OSBPL10: variants seen among roughly 807,000 people sequenced by gnomAD.
OSBPL10 encodes the protein oxysterol-binding protein-related protein 10.
In OSBPL10, 49 loss-of-function variants were observed where a neutral mutation model predicts 81.7. That is an observed-to-expected ratio of 0.60 (90% confidence interval 0.48 to 0.76). The LOEUF is 0.76. Ranked by LOEUF, OSBPL10 falls within the 30% of genes least tolerant of loss-of-function variation. The pLI is 0.00. For missense variants in OSBPL10, 923 were observed against 987.8 expected, an observed-to-expected ratio of 0.93 and a Z score of 0.88; for synonymous variants, 419 against 383.6, an observed-to-expected ratio of 1.09 and a Z score of -1.08.
intron 2 of OSBPL10, among the ~76,000 whole-genome samples, chr3:31,992,722 G>A (rs1296191603): frequency 2.6e-5 from 4 of 152,174 alleles, no homozygotes; most frequent in African/African-American, 9.7e-5. Context: ...GGCCAGGCAT[G>A]GTGACTCATG....
chr3:31,712,642 G>A (rs1423689328), intron 6 of OSBPL10, among the ~76,000 whole-genome samples: 2 of 152,174 alleles, frequency 1.3e-5, no homozygotes, highest in Non-Finnish European at 2.9e-5. Flanking sequence ...AAGCAATGCA[G>A]CCCTGCCAAC....
chr3:31,701,731 C>CT (rs1695902574), intron 7 of OSBPL10: 1 of 152,160 alleles, frequency 6.6e-6, no homozygotes, highest in Non-Finnish European at 1.5e-5. Context: ...ATGTGGGACC[C>CT]TCTCCATGAC....
intron 1 of OSBPL10, among the ~76,000 whole-genome samples, chr3:31,969,981 T>A (rs1199289095): frequency 6.6e-6 from 1 of 152,022 alleles, no homozygotes; most frequent in Non-Finnish European, 1.5e-5. Flanking sequence ...AATTAGCTGG[T>A]CCTAGTTTAC....
chr3:31,729,566 G>T (rs1024272020), intron 6 of OSBPL10, among the ~76,000 whole-genome samples: 1 of 152,058 alleles, frequency 6.6e-6, no homozygotes, highest in African/African-American at 2.4e-5. Flanking sequence ...GATTACAGGC[G>T]CACGCCACCA....
intron 7 of OSBPL10, among the ~76,000 whole-genome samples, chr3:31,684,402 C>T: frequency 6.6e-6 from 1 of 152,230 alleles, no homozygotes; most frequent in East Asian, 1.9e-4. Context: ...GTCTCCACTG[C>T]CATTTCTCCC....
upstream of OSBPL10, among the ~76,000 whole-genome samples, chr3:31,985,989 T>C (rs77797670): frequency 0.028 from 4,340 of 152,326 alleles, 111 homozygotes; most frequent in African/African-American, 0.074. Flanking sequence ...ATTTGGCTAC[T>C]GAGCGTGAGT....
intron 1 of OSBPL10, among the ~76,000 whole-genome samples, chr3:31,899,605 G>A (rs1696172709): frequency 6.6e-6 from 1 of 152,172 alleles, no homozygotes; most frequent in Non-Finnish European, 1.5e-5. Flanking sequence ...CGAGGTGAGA[G>A]AACCACTGGA....
intron 2 of OSBPL10, among the ~76,000 whole-genome samples, chr3:31,999,931 A>G (rs761506829): frequency 3.3e-5 from 5 of 152,154 alleles, no homozygotes; most frequent in Non-Finnish European, 7.3e-5. Context: ...TCAGGGCCAA[A>G]ATGTTCATAA....
At chr3:31,894,794 TTC>T (rs1487489629) in intron 1 of OSBPL10, among the ~76,000 whole-genome samples, 2 of 152,224 alleles carry the variant, frequency 1.3e-5, no homozygotes, top group South Asian at 2.1e-4. Flanking sequence ...CCTATTTCCC[TTC>T]TCTCTCAAGA....
rs140354934 is a variant in OSBPL10, at chr3:31,901,000, A to C, written c.282-21170T>G. ...TGGGAAAATGCTGTGAGAACACTCT[A>C]TCTCTGCAACTCTACTGTAAATCTA... is the stretch of plus-strand genomic sequence containing the variant. On this transcript the variant is annotated intron_variant, in intron 1 of 11. Coordinates refer to ENST00000396556, the MANE Select transcript of OSBPL10 (RefSeq NM_017784.5). 1.3e-3 allele frequency among the ~76,000 whole-genome samples: 200 copies of C among 152,374 alleles called. 5 individuals are homozygous for C. In the East Asian group the frequency reaches 0.034, roughly 26 times the overall value.
chr3:31,731,277 C>T (rs1292720245), intron 6 of OSBPL10, among the ~76,000 whole-genome samples: 1 of 152,016 alleles, frequency 6.6e-6, no homozygotes, highest in African/African-American at 2.4e-5. Context: ...AGAAAACCAC[C>T]AAAACACCAA....
intron 4 of OSBPL10, among the ~76,000 whole-genome samples, chr3:31,800,856 C>G (rs1053433874): frequency 1.3e-5 from 2 of 152,170 alleles, no homozygotes; most frequent in African/African-American, 4.8e-5. Flanking sequence ...GTTTTTCATG[C>G]CTTTTGGCTT....
At chr3:31,840,113 T>C (rs771817868) in intron 3 of OSBPL10, among the ~76,000 whole-genome samples, 43 of 151,814 alleles carry the variant, frequency 2.8e-4, no homozygotes, top group Non-Finnish European at 5.4e-4. Flanking sequence ...AGATACTTTA[T>C]GCCAGTAATG....
At chr3:31,848,567 T>A (rs550320697) in intron 3 of OSBPL10, among the ~76,000 whole-genome samples, 27 of 152,326 alleles carry the variant, frequency 1.8e-4, no homozygotes, top group African/African-American at 6.5e-4. Flanking sequence ...AATATGTTCC[T>A]AGGCCTGAGC....
chr3:31,777,209 C>T (rs1698570593), intron 4 of OSBPL10, among the ~76,000 whole-genome samples: 1 of 152,202 alleles, frequency 6.6e-6, no homozygotes, highest in South Asian at 2.1e-4. Flanking sequence ...ATGCCCCTGG[C>T]TCATCTTTGC....
At chr3:31,856,672 A>C (rs1417168607) in intron 3 of OSBPL10, among the ~76,000 whole-genome samples, 1 of 152,188 alleles carries the variant, frequency 6.6e-6, no homozygotes, top group Non-Finnish European at 1.5e-5. Flanking sequence ...CTTTTCACCC[A>C]ATGATTTGGG....
chr3:31,915,647 C>T (rs62243041), intron 1 of OSBPL10, among the ~76,000 whole-genome samples: 21,418 of 152,082 alleles, frequency 0.14, 1,852 homozygotes, highest in East Asian at 0.33. Flanking sequence ...AAAACTATCG[C>T]ATACCATGCT....
At chr3:31,744,086 A>C (rs991944882) in intron 5 of OSBPL10, among the ~76,000 whole-genome samples, 1 of 152,270 alleles carries the variant, frequency 6.6e-6, no homozygotes, top group African/African-American at 2.4e-5. Context: ...CATAGATTTA[A>C]GACACACAGT....
At chr3:31,723,821 A>G (rs1351897841) in intron 6 of OSBPL10, among the ~76,000 whole-genome samples, 1 of 152,186 alleles carries the variant, frequency 6.6e-6, no homozygotes, top group Admixed American at 6.5e-5. Flanking sequence ...CTGAGCGTTG[A>G]CTTTCCATCT....
Sources: gnomAD v4.1 joint callset for allele counts (sites outside exome capture counted in the v4.1 genomes callset) on GRCh38, gnomAD v4.1.1 for gene constraint, MANE v1.5 for transcripts, NCBI Gene and HGNC (gene_info 2026-07-23, HGNC 2026-07-21) for gene names.